ATP2B1: variants seen among roughly 807,000 people sequenced by gnomAD.
ATP2B1 encodes the protein ATPase plasma membrane Ca2+ transporting 1, also known as plasma membrane calcium-transporting ATPase 1.
In ATP2B1, 14 loss-of-function variants were observed where a neutral mutation model predicts 124.2. The observed-to-expected ratio is 0.11, with a 90% confidence interval of 0.07 to 0.18. The LOEUF (loss-of-function observed/expected upper bound fraction) is 0.18. Among genes scored for constraint, ATP2B1 ranks in the 10% least tolerant of loss-of-function variants. The pLI, the probability that ATP2B1 is intolerant of heterozygous loss-of-function variation, is 1.00. For missense variants in ATP2B1, 763 were observed against 1,466.1 expected, an observed-to-expected ratio of 0.52 and a Z score of 7.83; for synonymous variants, 449 against 492.4, an observed-to-expected ratio of 0.91 and a Z score of 1.17.
chr12:89,614,296 G>T (rs1878561167), intron 12 of ATP2B1, among the ~76,000 whole-genome samples: 1 of 152,092 alleles, frequency 6.6e-6, no homozygotes, highest in South Asian at 2.1e-4. Flanking sequence ...CCTGTGAAAA[G>T]CCACTGTACT....
In ATP2B1 at chr12:89,701,785, G is replaced by A. The variant is rs116408276; in HGVS notation, c.-222+6811C>T. Among the ~76,000 whole-genome samples the A allele has an allele frequency of 5.0e-3, 767 of 152,106 alleles. 9 individuals carry two copies. Among genetic ancestry groups the A allele is most frequent in the African/African-American group, 0.018 (748 of 41,490 alleles). ...CAGCCTCGAACTCCTGGCCTCAAGC[G>A]AACCTCCTGCCTCAGCCTCCCAAAG... On this transcript the variant is annotated intron_variant, in intron 1 of 20. Coordinates refer to ENST00000428670, the MANE Select transcript of ATP2B1 (RefSeq NM_001366521.1).
intron 20 of ATP2B1, among the ~76,000 whole-genome samples, chr12:89,592,541 T>C (rs897532093): frequency 2.6e-5 from 4 of 152,038 alleles, no homozygotes; most frequent in African/African-American, 9.7e-5. Context: ...CAAGCCCTAT[T>C]TGTAAGCTGC....
At chr12:89,665,886 G>T (rs1887256457) in intron 1 of ATP2B1, among the ~76,000 whole-genome samples, 1 of 152,074 alleles carries the variant, frequency 6.6e-6, no homozygotes, top group South Asian at 2.1e-4. Context: ...AAATAAAGTT[G>T]GCAATATTGA....
In ATP2B1 at chr12:89,684,612, C is replaced by G. The variant is rs75046161; in HGVS notation, c.-222+23984G>C. 5.4e-3 allele frequency among the ~76,000 whole-genome samples: 815 copies of G among 152,202 alleles called. 9 individuals carry two copies. Among genetic ancestry groups the G allele is most frequent in the African/African-American group, 0.018 (758 of 41,532 alleles). ...ACTACATAACAAATTAGGACTGTTTCAGCACTCAGCTAAAATCAGCCACAC... is the reference window on the plus strand; with the variant it reads ...ACTACATAACAAATTAGGACTGTTTGAGCACTCAGCTAAAATCAGCCACAC... On this transcript the variant is annotated intron_variant, in intron 1 of 20. Coordinates refer to ENST00000428670, the MANE Select transcript of ATP2B1 (RefSeq NM_001366521.1).
intron 20 of ATP2B1, among the ~76,000 whole-genome samples, chr12:89,593,072 T>C (rs1873895154): frequency 6.6e-6 from 1 of 152,086 alleles, no homozygotes; most frequent in Admixed American, 6.6e-5. Context: ...ATTTTTCAAC[T>C]TCTTTTATTG....
rs992114945 is a variant in ATP2B1 at position 89,702,653 on chromosome 12, T to C, written c.-222+5943A>G. 1.3e-5 allele frequency among the ~76,000 whole-genome samples: 2 copies of C among 152,200 alleles called. 1 individual carries two copies. Among genetic ancestry groups the C allele is most frequent in the Admixed American group, 1.3e-4 (2 of 15,280 alleles). The stretch of plus-strand genomic sequence containing the variant: ...TCCTAAATTTATCAGGTCTGTACAG[T>C]AGTCATGCCAGTTTACAGTTAGGCA... On this transcript the variant is annotated intron_variant, in intron 1 of 20. Coordinates refer to ENST00000428670, the MANE Select transcript of ATP2B1 (RefSeq NM_001366521.1).
intron 16 of ATP2B1, 75 bp downstream of exon 16, chr12:89,604,076 TTAAG>T (rs1220270611): frequency 2.7e-5 from 39 of 1,450,574 alleles, no homozygotes; most frequent in Admixed American, 1.5e-4. Context: ...AGCTTAAATA[TTAAG>T]TATTTTTTAA....
chr12:89,621,432 CT>C (rs1381120423), intron 10 of ATP2B1, 116 bp downstream of exon 10: 27 of 795,728 alleles, frequency 3.4e-5, no homozygotes, highest in Non-Finnish European at 4.6e-5. Flanking sequence ...AAATATATGC[CT>C]TTTAAAAACT....
At chr12:89,706,898 A>T (rs1892517319) in intron 1 of ATP2B1, among the ~76,000 whole-genome samples, 1 of 152,182 alleles carries the variant, frequency 6.6e-6, no homozygotes, top group Admixed American at 6.5e-5. Context: ...CAGGACAGAG[A>T]TCCACCCTTA....
At chr12:89,617,108 C>A in intron 11 of ATP2B1, 69 bp from the exon 12 acceptor site, 1 of 1,171,110 alleles carries the variant, frequency 8.5e-7, no homozygotes, top group Non-Finnish European at 1.3e-6. Context: ...TTTAAGTGAA[C>A]TGGCAGGCCT....
chr12:89,626,636 A>G, intron 7 of ATP2B1, 21 bp from the exon 8 acceptor site: 1 of 1,574,980 alleles, frequency 6.3e-7, no homozygotes, highest in Non-Finnish European at 8.6e-7. Context: ...GAGCAAATAG[A>G]ACTTCACTAT....
Position 89,599,306 on chromosome 12 carries a change from C to G in ATP2B1, c.3169-7G>C, listed in dbSNP as rs576466764. On this transcript the variant is annotated splice_region_variant and splice_polypyrimidine_tract_variant and intron_variant, in intron 19 of 20. Coordinates refer to ENST00000428670, the MANE Select transcript of ATP2B1 (RefSeq NM_001366521.1). The stretch of plus-strand genomic sequence containing the variant: ...TTGGAATTGTTGAAATAAGCTACAA[C>G]ACAGGGGAATGAACTTAGAAATAAA... 113 of 1,613,050 alleles carry G rather than the reference C, an allele frequency of 7.0e-5. 1 individual carries two copies. The South Asian group carries it at 1.2e-3, about 17-fold the overall frequency.
intron 1 of ATP2B1, among the ~76,000 whole-genome samples, chr12:89,705,708 TA>T (rs2136910984): frequency 6.6e-6 from 1 of 152,264 alleles, no homozygotes; most frequent in African/African-American, 2.4e-5. Context: ...TGCAACAATC[TA>T]ATAGCTCAAA....
rs1034437082 is a variant in ATP2B1, at chr12:89,621,856, A to C, written c.1345-65T>G. ...TAAAACCAATCACCTCATTACATTA[A>C]AATGATTATAAATTGTTTTAAAATT... On this transcript the variant is annotated intron_variant, in intron 9 of 20. Coordinates refer to ENST00000428670, the MANE Select transcript of ATP2B1 (RefSeq NM_001366521.1). The C allele has an allele frequency of 3.0e-6, 4 of 1,343,740 alleles. No individual in the cohort carries two copies. The African/African-American group carries it at 6.0e-5, about 20-fold the overall frequency. The allele number at this position is 1,343,740 out of a possible 1,614,324, so 83.2% of individuals were successfully genotyped here.
intron 3 of ATP2B1, among the ~76,000 whole-genome samples, chr12:89,639,301 T>C (rs906866756): frequency 1.3e-5 from 2 of 152,020 alleles, no homozygotes; most frequent in Admixed American, 1.3e-4. Context: ...GTCAGGGGTT[T>C]GAGACCAGCC....
At chr12:89,653,519 G>A (rs113662316) in intron 2 of ATP2B1, among the ~76,000 whole-genome samples, 3 of 150,924 alleles carry the variant, frequency 2.0e-5, no homozygotes, top group East Asian at 3.9e-4. Context: ...GGATGGTCTC[G>A]ATCTCCTGAC....
chr12:89,642,939 C>T (rs1015566287), intron 2 of ATP2B1, among the ~76,000 whole-genome samples: 4 of 151,780 alleles, frequency 2.6e-5, no homozygotes, highest in Non-Finnish European at 5.9e-5. Context: ...TATCCTATAC[C>T]ATCTTGTAGA....
At chr12:89,677,138 AG>A (rs1888711622) in intron 1 of ATP2B1, among the ~76,000 whole-genome samples, 1 of 152,170 alleles carries the variant, frequency 6.6e-6, no homozygotes, top group Non-Finnish European at 1.5e-5. Context: ...GGGATACACA[AG>A]GATCAGCAGA....
intron 20 of ATP2B1, among the ~76,000 whole-genome samples, chr12:89,595,503 T>C (rs1874409272): frequency 1.3e-5 from 2 of 152,090 alleles, no homozygotes; most frequent in African/African-American, 4.8e-5. Context: ...TCAGAGATGT[T>C]TGAGTCTAGC....
Sources: allele counts gnomAD v4.1 joint callset (sites outside exome capture counted in the v4.1 genomes callset), GRCh38; gene constraint gnomAD v4.1.1; transcripts MANE v1.5; gene names NCBI Gene and HGNC (gene_info 2026-07-23, HGNC 2026-07-21).